The following MAPK10 variants were observed in gnomAD, a reference collection of about 807,000 sequenced individuals.
The protein encoded by MAPK10 is mitogen-activated protein kinase 10.
A neutral mutation model predicts 59.3 loss-of-function variants in MAPK10; 25 were observed. The observed-to-expected ratio is 0.42, with a 90% CI of 0.31 to 0.59. The LOEUF is 0.59. Among genes scored for constraint, MAPK10 ranks in the 20% least tolerant of loss-of-function variants. MAPK10 has a pLI of 0.15. For missense variants in MAPK10, 351 were observed against 568.9 expected (o/e 0.62, Z 3.90); for synonymous variants, 190 against 200.5 (o/e 0.95, Z 0.44).
At chr4:86,146,924 T>C (rs2065152779) in intron 4 of MAPK10, among the ~76,000 whole-genome samples, 1 of 152,194 alleles carries the variant, frequency 6.6e-6, no homozygotes, top group Non-Finnish European at 1.5e-5. Context: ...GGATCTTTGG[T>C]CCTTTCTATT....
At chr4:86,519,142 G>A (rs188223682) in intron 1 of MAPK10, among the ~76,000 whole-genome samples, 82 of 152,244 alleles carry the variant, frequency 5.4e-4, no homozygotes, top group African/African-American at 1.9e-3. Context: ...TTATTCTAGG[G>A]TATAGTTTAA....
At chr4:86,540,113 T>C (rs1484037919) in intron 1 of MAPK10, among the ~76,000 whole-genome samples, 4 of 152,226 alleles carry the variant, frequency 2.6e-5, no homozygotes, top group African/African-American at 9.6e-5. Flanking sequence ...ATCAGAGCCA[T>C]TGTCTTTGGG....
intron 2 of MAPK10, among the ~76,000 whole-genome samples, chr4:86,235,867 C>T (rs558796389): frequency 5.3e-5 from 8 of 152,224 alleles, no homozygotes; most frequent in East Asian, 1.9e-4. Context: ...AACAAATTAC[C>T]GCAAACTTAG....
chr4:86,548,867 A>G (rs1379594121), intron 1 of MAPK10, among the ~76,000 whole-genome samples: 1 of 152,190 alleles, frequency 6.6e-6, no homozygotes, highest in Non-Finnish European at 1.5e-5. Context: ...TGGAAAGACT[A>G]AACACATTCT....
intron 3 of MAPK10, among the ~76,000 whole-genome samples, chr4:86,167,695 C>T (rs144024641): frequency 6.6e-6 from 1 of 152,254 alleles, no homozygotes; most frequent in Non-Finnish European, 1.5e-5. Context: ...TCTCAATAAA[C>T]TAGGTATGGA....
chr4:86,316,142 C>A (rs1020440627), intron 2 of MAPK10, among the ~76,000 whole-genome samples: 1 of 152,022 alleles, frequency 6.6e-6, no homozygotes. Flanking sequence ...CCTCCAGAAT[C>A]GATGCAAATC....
chr4:86,300,552 A>G (rs1435419174), intron 2 of MAPK10: 8 of 152,346 alleles, frequency 5.3e-5, no homozygotes, highest in African/African-American at 1.9e-4. Flanking sequence ...TTCATGTAAT[A>G]CACAAATACC....
chr4:86,470,933 A>G (rs187936551), intron 1 of MAPK10, among the ~76,000 whole-genome samples: 49 of 152,360 alleles, frequency 3.2e-4, no homozygotes, highest in Non-Finnish European at 5.3e-4. Flanking sequence ...AAATCCAGTT[A>G]TAAGTTTTAT....
chr4:86,418,880 T>C (rs186567768), intron 1 of MAPK10, among the ~76,000 whole-genome samples: 30 of 152,312 alleles, frequency 2.0e-4, no homozygotes, highest in Non-Finnish European at 3.1e-4. Flanking sequence ...GCAACCTGGA[T>C]GGAGTTGGAG....
At chr4:86,029,880 A>C (rs2038569719) in intron 12 of MAPK10, among the ~76,000 whole-genome samples, 1 of 152,084 alleles carries the variant, frequency 6.6e-6, no homozygotes. Flanking sequence ...AAACACATTA[A>C]AAAATTTAGT....
chr4:86,172,127 G>C (rs1439618235), intron 3 of MAPK10, among the ~76,000 whole-genome samples: 2 of 136,100 alleles, frequency 1.5e-5, no homozygotes, highest in Non-Finnish European at 3.0e-5. Context: ...CTGTTGGTGG[G>C]ACTGTAAAGT....
intron 1 of MAPK10, among the ~76,000 whole-genome samples, chr4:86,424,746 C>T (rs1747046090): frequency 1.3e-5 from 2 of 152,006 alleles, no homozygotes; most frequent in Admixed American, 6.6e-5. Context: ...ATGAGGGTAG[C>T]ATAGGTCCAG....
intron 11 of MAPK10, among the ~76,000 whole-genome samples, chr4:86,048,122 C>T (rs1179939465): frequency 6.6e-6 from 1 of 151,998 alleles, no homozygotes; most frequent in Admixed American, 6.6e-5. Context: ...TAGAGAAGTG[C>T]TCAGCAGAGT....
chr4:86,489,924 C>T (rs979831567), intron 1 of MAPK10, among the ~76,000 whole-genome samples: 1 of 152,148 alleles, frequency 6.6e-6, no homozygotes. Context: ...CTGTTCCACT[C>T]TCAGTAGTCA....
chr4:86,306,358 A>G (rs1228775873), intron 2 of MAPK10, among the ~76,000 whole-genome samples: 2 of 152,230 alleles, frequency 1.3e-5, no homozygotes, highest in African/African-American at 4.8e-5. Context: ...TACATTCCAG[A>G]AAGGATGAGC....
intron 1 of MAPK10, among the ~76,000 whole-genome samples, chr4:86,582,536 A>G (rs1458754476): frequency 1.3e-5 from 2 of 152,174 alleles, no homozygotes; most frequent in African/African-American, 4.8e-5. Context: ...CCCTCCCAAA[A>G]CAGGCCTCCT....
intron 2 of MAPK10, among the ~76,000 whole-genome samples, chr4:86,275,497 C>A (rs535377629): frequency 6.6e-6 from 1 of 152,066 alleles, no homozygotes; most frequent in Admixed American, 6.6e-5. Context: ...ACCCAAAAGA[C>A]AGCAAATATC....
intron 1 of MAPK10, among the ~76,000 whole-genome samples, chr4:86,459,046 A>G (rs989993618): frequency 1.3e-5 from 2 of 152,144 alleles, no homozygotes; most frequent in Non-Finnish European, 2.9e-5. Context: ...TCTACAATGA[A>G]CTCAAACAAA....
intron 4 of MAPK10, among the ~76,000 whole-genome samples, chr4:86,149,980 T>A (rs1366210041): frequency 1.3e-5 from 2 of 151,972 alleles, no homozygotes; most frequent in African/African-American, 4.8e-5. Flanking sequence ...ATTTAACCTT[T>A]CCAGATATTA....
Sources: gnomAD v4.1 joint callset for allele counts (sites outside exome capture counted in the v4.1 genomes callset) on GRCh38, gnomAD v4.1.1 for gene constraint, MANE v1.5 for transcripts, NCBI Gene and HGNC (gene_info 2026-07-23, HGNC 2026-07-21) for gene names.